KCNQ1OT1: variants seen among roughly 807,000 people sequenced by gnomAD.
KCNQ1OT1 encodes the protein KCNQ1 opposite strand/antisense transcript 1, also known as KCNQ1 antisense RNA 2 (non-protein coding).
In KCNQ1OT1 at chr11:2,652,045, G is replaced by T; in HGVS notation, n.47950C>A. ...CTCCCCCCAGTTCTGGGGTGGCTCT[G>T]ACTGTGTCCAGGCTCCAATTTGAGA... On this transcript the variant is annotated non_coding_transcript_exon_variant, in exon 1 of 1. Coordinates refer to ENST00000597346, the Ensembl canonical transcript of KCNQ1OT1. The surrounding 1 kb of genome is among the most constrained non-coding windows in gnomAD (Gnocchi z 5.9). 1 of 398,658 alleles carries T rather than the reference G, an allele frequency of 2.5e-6. No homozygotes were observed. The highest frequency in any genetic ancestry group is 1.3e-4 in the South Asian group (1 of 7,826). 24.7% of individuals were successfully genotyped at this position (398,658 alleles called of 1,614,324 possible). A position where few individuals can be genotyped will look rare whatever the true frequency, so the allele number is the denominator to read the frequency against.
rs1850173141 is a variant in KCNQ1OT1 at position 2,670,986 on chromosome 11, A to G, written n.29009T>C. ...CCCCAGAGCCCCTGGCTAGGCATTC[A>G]TGCTTTAGATATGTGGGCCCTGTTA... On this transcript the variant is annotated non_coding_transcript_exon_variant, in exon 1 of 1. Transcript: ENST00000597346. This position sits in a 1 kb window ranked among gnomAD's most constrained non-coding sequence, Gnocchi z 4.9. The G allele has an allele frequency of 1.0e-5, 4 of 398,590 alleles. No individual in the cohort carries two copies. Among genetic ancestry groups the G allele is most frequent in the Non-Finnish European group, 1.8e-5 (4 of 226,086 alleles). The allele number at this position is 398,590 out of a possible 1,614,324, so 24.7% of individuals were successfully genotyped here. A position where few individuals can be genotyped will look rare whatever the true frequency, so the allele number is the denominator to read the frequency against.
chr11:2,657,977 A>G lies in KCNQ1OT1; in HGVS notation n.42018T>C, dbSNP rs1377836852. ...CCACTCGTTTAAAGTGGTGTCGGCC[A>G]GGCTCCTCCACTGTAAGTGAATAGC... On this transcript the variant is annotated non_coding_transcript_exon_variant, in exon 1 of 1. Coordinates refer to ENST00000597346, the Ensembl canonical transcript of KCNQ1OT1. This position sits in a 1 kb window ranked among gnomAD's most constrained non-coding sequence, Gnocchi z 4.8. 2.5e-6 allele frequency: 1 copy of G among 398,508 alleles called. No individual in the cohort carries two copies. Among genetic ancestry groups the G allele is most frequent in the African/African-American group, 2.1e-5 (1 of 48,638 alleles). The allele number at this position is 398,508 out of a possible 1,614,324, so 24.7% of individuals were successfully genotyped here.
rs1849259916 is a variant in KCNQ1OT1, at chr11:2,626,222, G to C, written n.73773C>G. On this transcript the variant is annotated non_coding_transcript_exon_variant, in exon 1 of 1. Transcript: ENST00000597346. The surrounding 1 kb of genome is among the most constrained non-coding windows in gnomAD (Gnocchi z 4.0). ...TTTGACCCATTTTGAGTAAGTTTTT[G>C]TACACAGTGTTAGGTAAGGGTCTCA... 2.5e-6 allele frequency: 1 copy of C among 398,442 alleles called. No homozygotes were observed. Among genetic ancestry groups the C allele is most frequent in the Non-Finnish European group, 4.4e-6 (1 of 226,032 alleles). 24.7% of individuals were successfully genotyped at this position (398,442 alleles called of 1,614,324 possible).
Position 2,659,563 on chromosome 11 carries a change from C to A in KCNQ1OT1, n.40432G>T. On this transcript the variant is annotated non_coding_transcript_exon_variant, in exon 1 of 1. Transcript: ENST00000597346. This position sits in a 1 kb window ranked among gnomAD's most constrained non-coding sequence, Gnocchi z 4.3. ...GGTAATTATGAGCAGAGTTACTATA[C>A]ACATTTATGTACAGGTTTTTGCGAA... The A allele has an allele frequency of 2.5e-6, 1 of 398,554 alleles. No homozygotes were observed. The highest frequency in any genetic ancestry group is 4.4e-6 in the Non-Finnish European group (1 of 226,028). 24.7% of individuals were successfully genotyped at this position (398,554 alleles called of 1,614,324 possible). A position where few individuals can be genotyped will look rare whatever the true frequency, so the allele number is the denominator to read the frequency against.
In KCNQ1OT1 at chr11:2,620,718, G is replaced by C. The variant is rs150282050; in HGVS notation, n.79277C>G. Reference sequence around the variant, plus strand: ...TGAATATATATCCAGTAATGGGATTGCTGGGTCAGATGGTAGTTCTGTTTT... The same window carrying C: ...TGAATATATATCCAGTAATGGGATTCCTGGGTCAGATGGTAGTTCTGTTTT... On this transcript the variant is annotated non_coding_transcript_exon_variant, in exon 1 of 1. Coordinates refer to ENST00000597346, the Ensembl canonical transcript of KCNQ1OT1. This position sits in a 1 kb window ranked among gnomAD's most constrained non-coding sequence, Gnocchi z 4.5. 1 of 398,470 alleles carries C rather than the reference G, an allele frequency of 2.5e-6. No individual in the cohort carries two copies. The highest frequency in any genetic ancestry group is 4.4e-5 in the Admixed American group (1 of 22,710). 24.7% of individuals were successfully genotyped at this position (398,470 alleles called of 1,614,324 possible). A position where few individuals can be genotyped will look rare whatever the true frequency, so the allele number is the denominator to read the frequency against.
chr11:2,686,363 G>A, exon 1 of KCNQ1OT1: 1 of 398,662 alleles, frequency 2.5e-6, no homozygotes, highest in Non-Finnish European at 4.4e-6. Context: ...ATGCTCACTT[G>A]GGCTTATCAG....
exon 1 of KCNQ1OT1, chr11:2,614,034 T>A (rs1243241282): frequency 2.5e-6 from 1 of 398,534 alleles, no homozygotes; most frequent in Non-Finnish European, 4.4e-6. Flanking sequence ...TTCCTTAGTG[T>A]GACTGTGCTA....
chr11:2,629,899 T>C, exon 1 of KCNQ1OT1: 1 of 398,424 alleles, frequency 2.5e-6, no homozygotes. Context: ...TCTTTCTGAT[T>C]TGAGTGTATT....
At position 2,663,959 on chromosome 11, in the gene KCNQ1OT1, G is replaced by A. The variant is rs1221675392; in HGVS notation, n.36036C>T. 5 of 398,604 alleles carry A rather than the reference G, an allele frequency of 1.3e-5. No homozygotes were observed. The highest frequency in any genetic ancestry group is 2.1e-5 in the African/African-American group (1 of 48,630). 24.7% of individuals were successfully genotyped at this position (398,604 alleles called of 1,614,324 possible). On this transcript the variant is annotated non_coding_transcript_exon_variant, in exon 1 of 1. Coordinates refer to ENST00000597346, the Ensembl canonical transcript of KCNQ1OT1. The surrounding 1 kb of genome is among the most constrained non-coding windows in gnomAD (Gnocchi z 5.2). The stretch of plus-strand genomic sequence containing the variant: ...CACTCCAGGATGACAGGGCCTGAGA[G>A]ACCTGAACATCCATCCCCAAGCTCT...
exon 1 of KCNQ1OT1, chr11:2,649,714 CTT>C (rs371144941): frequency 2.5e-6 from 1 of 398,406 alleles, no homozygotes; most frequent in Non-Finnish European, 4.4e-6. Flanking sequence ...ATGCTTCTCT[CTT>C]GTTTTTTAAA....
rs374149814 is a variant in KCNQ1OT1, at chr11:2,690,354, G to C, written n.9641C>G. The C allele has an allele frequency of 5.0e-6, 2 of 398,704 alleles. No individual in the cohort carries two copies. Among genetic ancestry groups the C allele is most frequent in the East Asian group, 3.6e-5 (1 of 28,076 alleles). 24.7% of individuals were successfully genotyped at this position (398,704 alleles called of 1,614,324 possible). A position where few individuals can be genotyped will look rare whatever the true frequency, so the allele number is the denominator to read the frequency against. The stretch of plus-strand genomic sequence containing the variant: ...AGTCTGAGGCTGCCCTGCAGCTGCT[G>C]TTTCCACTACTTGGCATGGAACATG... On this transcript the variant is annotated non_coding_transcript_exon_variant, in exon 1 of 1. Coordinates refer to ENST00000597346, the Ensembl canonical transcript of KCNQ1OT1. This position sits in a 1 kb window ranked among gnomAD's most constrained non-coding sequence, Gnocchi z 5.1.
exon 1 of KCNQ1OT1, chr11:2,629,462 G>C: frequency 2.5e-6 from 1 of 398,360 alleles, no homozygotes; most frequent in Non-Finnish European, 4.4e-6. Context: ...TATAGTTTTA[G>C]GTCTTACATT....
rs1310930954 is a variant in KCNQ1OT1, at chr11:2,676,723, G to A, written n.23272C>T. On this transcript the variant is annotated non_coding_transcript_exon_variant, in exon 1 of 1. Transcript: ENST00000597346. The surrounding 1 kb of genome is among the most constrained non-coding windows in gnomAD (Gnocchi z 4.2). ...CTGGCAGGAGATAACCAAGTCATATGCATAGTGGCTTTGGGTACGATGGTC... is the reference window on the plus strand; with the variant it reads ...CTGGCAGGAGATAACCAAGTCATATACATAGTGGCTTTGGGTACGATGGTC... 2 of 398,558 alleles carry A rather than the reference G, an allele frequency of 5.0e-6. No individual in the cohort carries two copies. The highest frequency in any genetic ancestry group is 4.1e-5 in the African/African-American group (2 of 48,640). 24.7% of individuals were successfully genotyped at this position (398,558 alleles called of 1,614,324 possible).
At chr11:2,665,123 T>A (rs1349185607) in exon 1 of KCNQ1OT1, 1 of 398,368 alleles carries the variant, frequency 2.5e-6, no homozygotes, top group Non-Finnish European at 4.4e-6. Context: ...CCCCAGCCTA[T>A]AGGTGGGCCC....
In KCNQ1OT1 at chr11:2,678,262, C is replaced by A. The variant is rs1326084137; in HGVS notation, n.21733G>T. 2 of 398,274 alleles carry A rather than the reference C, an allele frequency of 5.0e-6. No individual in the cohort carries two copies. Among genetic ancestry groups the A allele is most frequent in the Admixed American group, 4.4e-5 (1 of 22,712 alleles). 24.7% of individuals were successfully genotyped at this position (398,274 alleles called of 1,614,324 possible). ...CTTATCTTAAATTCTGAAATAACCT[C>A]TCATCCTGAAATTGTTTTAATAAAT... is the stretch of plus-strand genomic sequence containing the variant. On this transcript the variant is annotated non_coding_transcript_exon_variant, in exon 1 of 1. Transcript: ENST00000597346. The surrounding 1 kb of genome is among the most constrained non-coding windows in gnomAD (Gnocchi z 4.9).
exon 1 of KCNQ1OT1, chr11:2,665,053 A>G (rs1850040027): frequency 2.5e-6 from 1 of 398,374 alleles, no homozygotes; most frequent in Non-Finnish European, 4.4e-6. Flanking sequence ...GATGCAAGCT[A>G]GGGAGTCATG....
exon 1 of KCNQ1OT1, chr11:2,675,921 A>G (rs959044598): frequency 1.0e-5 from 4 of 398,032 alleles, no homozygotes; most frequent in African/African-American, 2.1e-5. Context: ...AAATCATACA[A>G]CAGTCTTTAC....
rs1017681004 is a variant in KCNQ1OT1, at chr11:2,659,843, T to C, written n.40152A>G. 1.3e-5 allele frequency: 5 copies of C among 398,360 alleles called. No homozygotes were observed. The highest frequency in any genetic ancestry group is 7.1e-5 in the East Asian group (2 of 28,042). The allele number at this position is 398,360 out of a possible 1,614,324, so 24.7% of individuals were successfully genotyped here. On this transcript the variant is annotated non_coding_transcript_exon_variant, in exon 1 of 1. Transcript: ENST00000597346. The surrounding 1 kb of genome is among the most constrained non-coding windows in gnomAD (Gnocchi z 4.3). The stretch of plus-strand genomic sequence containing the variant: ...TGCATTTCCATATTTATGTTAATTA[T>C]GTATCTTTTCATGTGCTTATTTATA...
chr11:2,611,100 G>T lies in KCNQ1OT1; in HGVS notation n.88895C>A. 1 of 398,148 alleles carries T rather than the reference G, an allele frequency of 2.5e-6. No homozygotes were observed. Among genetic ancestry groups the T allele is most frequent in the South Asian group, 1.3e-4 (1 of 7,818 alleles). The allele number at this position is 398,148 out of a possible 1,614,324, so 24.7% of individuals were successfully genotyped here. On this transcript the variant is annotated non_coding_transcript_exon_variant, in exon 1 of 1. Coordinates refer to ENST00000597346, the Ensembl canonical transcript of KCNQ1OT1. The surrounding 1 kb of genome is among the most constrained non-coding windows in gnomAD (Gnocchi z 5.3). ...CTGTTATAAATTTTTATTTCTTTAT[G>T]ACTTCTGTTTATGATTTCTATTTCT...
Sources: allele counts gnomAD v4.1 joint callset, GRCh38; gene constraint gnomAD v4.1.1; non-coding constraint Gnocchi (gnomAD v3.1); transcripts MANE v1.5; gene names NCBI Gene and HGNC (gene_info 2026-07-23, HGNC 2026-07-21).